Variants in ROR1 observed in about 807,000 individuals in gnomAD.
The protein encoded by ROR1 is inactive tyrosine-protein kinase transmembrane receptor ROR1.
A neutral mutation model predicts 78.8 loss-of-function variants in ROR1; 19 were observed. The ratio of observed to expected loss-of-function variants is 0.24; its 90% CI spans 0.17 to 0.35. ROR1 has a LOEUF of 0.35. Among genes scored for constraint, ROR1 ranks in the 10% least tolerant of loss-of-function variants. The pLI is 1.00. For missense variants in ROR1, 917 were observed against 1,177.8 expected (o/e 0.78, Z 3.24); for synonymous variants, 386 against 433.6 (o/e 0.89, Z 1.36).
intron 1 of ROR1, among the ~76,000 whole-genome samples, chr1:63,918,849 T>A (rs1417542436): frequency 6.6e-6 from 1 of 152,132 alleles, no homozygotes; most frequent in African/African-American, 2.4e-5. Flanking sequence ...TGAGACCTCA[T>A]CTGGGTCCCA....
intron 5 of ROR1, 140 bp downstream of exon 5, chr1:64,137,636 G>A: frequency 1.4e-6 from 1 of 718,774 alleles, no homozygotes; most frequent in Non-Finnish European, 2.2e-6. Context: ...CATGAGACAT[G>A]ATCTCTGTGC....
At chr1:64,045,119 A>G (rs1407002449) in intron 2 of ROR1, among the ~76,000 whole-genome samples, 2 of 152,206 alleles carry the variant, frequency 1.3e-5, no homozygotes, top group African/African-American at 4.8e-5. Flanking sequence ...TCACATTGCA[A>G]CCAACGTTTA....
At chr1:64,136,713 C>T (rs1649115304) in intron 4 of ROR1, among the ~76,000 whole-genome samples, 1 of 152,076 alleles carries the variant, frequency 6.6e-6, no homozygotes. Flanking sequence ...TTTAATAAGA[C>T]TATTTTTTTA....
rs534792932 is a variant in ROR1, at chr1:63,862,724, A to G, written c.91+88216A>G. Among the ~76,000 whole-genome samples the G allele has an allele frequency of 2.0e-5, 3 of 152,166 alleles. 1 individual carries two copies. The highest frequency in any genetic ancestry group is 7.2e-5 in the African/African-American group (3 of 41,524). On this transcript the variant is annotated intron_variant, in intron 1 of 8. Coordinates refer to ENST00000371079, the MANE Select transcript of ROR1 (RefSeq NM_005012.4). ...CTTGGTGTGAATTCTGCCTCTCAGT[A>G]TAGGTGGTATTTGTTAATTTAACTC...
At chr1:63,989,169 T>G (rs983930732) in intron 1 of ROR1, among the ~76,000 whole-genome samples, 45 of 140,934 alleles carry the variant, frequency 3.2e-4, no homozygotes, top group African/African-American at 1.1e-3. Flanking sequence ...TCTGTTTTTG[T>G]TTTTTTTTTT....
chr1:64,071,190 G>A lies in ROR1; in HGVS notation c.482+20474G>A, dbSNP rs570770322. 5.5e-4 allele frequency among the ~76,000 whole-genome samples: 84 copies of A among 152,260 alleles called. No individual in the cohort carries two copies. In the South Asian group the frequency reaches 5.6e-3, roughly 10 times the overall value. ...TACTTAGCTGTGCAAGCCAGTGTTT[G>A]GGCTTCATTCCAAGAGCCATGGAAG... On this transcript the variant is annotated intron_variant, in intron 4 of 8. Coordinates refer to ENST00000371079, the MANE Select transcript of ROR1 (RefSeq NM_005012.4).
chr1:64,065,306 A>C (rs957514526), intron 4 of ROR1, among the ~76,000 whole-genome samples: 1 of 152,230 alleles, frequency 6.6e-6, no homozygotes, highest in Non-Finnish European at 1.5e-5. Context: ...GACTTTGGCC[A>C]GTCTGCTATA....
At position 64,054,647 on chromosome 1, in the gene ROR1, A is replaced by G. The variant is rs141387287; in HGVS notation, c.482+3931A>G. ...GTAGAATATATTACAAAATATTACA[A>G]TTTAATCATATAAATCAGTATCATA... is the stretch of plus-strand genomic sequence containing the variant. On this transcript the variant is annotated intron_variant, in intron 4 of 8. Coordinates refer to ENST00000371079, the MANE Select transcript of ROR1 (RefSeq NM_005012.4). 3.5e-3 allele frequency among the ~76,000 whole-genome samples: 538 copies of G among 152,320 alleles called. 3 individuals carry two copies. The highest frequency in any genetic ancestry group is 0.012 in the African/African-American group (508 of 41,576).
chr1:63,914,108 T>G (rs1645591531), intron 1 of ROR1, among the ~76,000 whole-genome samples: 1 of 152,066 alleles, frequency 6.6e-6, no homozygotes, highest in African/African-American at 2.4e-5. Flanking sequence ...GTTTTAAGAT[T>G]AAAAAAAATA....
intron 6 of ROR1, among the ~76,000 whole-genome samples, chr1:64,141,823 C>A (rs1649324625): frequency 6.6e-6 from 1 of 152,092 alleles, no homozygotes; most frequent in African/African-American, 2.4e-5. Flanking sequence ...CAGTTCAGTT[C>A]GACTGTGTAG....
intron 1 of ROR1, among the ~76,000 whole-genome samples, chr1:63,966,695 G>A (rs982383411): frequency 6.6e-6 from 1 of 152,076 alleles, no homozygotes; most frequent in Non-Finnish European, 1.5e-5. Flanking sequence ...TTGTCTTTTT[G>A]TAATTACTTT....
chr1:64,111,559 T>C (rs1259061230), intron 4 of ROR1, among the ~76,000 whole-genome samples: 2 of 152,294 alleles, frequency 1.3e-5, no homozygotes, highest in African/African-American at 4.8e-5. Context: ...CAGCTACTAG[T>C]CATCTTCAAG....
intron 8 of ROR1, among the ~76,000 whole-genome samples, chr1:64,171,006 C>T (rs1229683999): frequency 1.3e-5 from 2 of 152,172 alleles, no homozygotes; most frequent in Non-Finnish European, 2.9e-5. Flanking sequence ...CAAACTTTCC[C>T]ACATTTTCCT....
intron 1 of ROR1, among the ~76,000 whole-genome samples, chr1:63,976,103 TTAAC>T (rs1429043525): frequency 6.6e-6 from 1 of 152,206 alleles, no homozygotes; most frequent in African/African-American, 2.4e-5. Flanking sequence ...CATTTTTAAG[TTAAC>T]TAACAGCATG....
chr1:63,863,199 A>AT (rs766140279), intron 1 of ROR1, among the ~76,000 whole-genome samples: 7 of 152,198 alleles, frequency 4.6e-5, no homozygotes, highest in Non-Finnish European at 7.3e-5. Context: ...AGTTAAAATA[A>AT]TACCTTAGTA....
chr1:64,141,862 C>T (rs113654501), intron 6 of ROR1, among the ~76,000 whole-genome samples: 23,606 of 151,398 alleles, frequency 0.16, 2,048 homozygotes, highest in Non-Finnish European at 0.2. Flanking sequence ...GCCCCTCTGG[C>T]CACGTGCGAG....
chr1:63,789,980 G>C (rs1033684137), intron 1 of ROR1, among the ~76,000 whole-genome samples: 15 of 152,080 alleles, frequency 9.9e-5, no homozygotes, highest in African/African-American at 3.6e-4. Context: ...TTCATGGGCT[G>C]TTCCCTCCCA....
chr1:63,801,063 C>G (rs886979256), intron 1 of ROR1, among the ~76,000 whole-genome samples: 1 of 151,158 alleles, frequency 6.6e-6, no homozygotes, highest in Non-Finnish European at 1.5e-5. Flanking sequence ...GTTATTTTAT[C>G]TGAGCCCTGG....
intron 1 of ROR1, among the ~76,000 whole-genome samples, chr1:63,784,002 T>C (rs1176204714): frequency 6.6e-6 from 1 of 152,082 alleles, no homozygotes; most frequent in Non-Finnish European, 1.5e-5. Flanking sequence ...CTGAGTTTTG[T>C]TCCTAATCAT....
Sources: gnomAD v4.1 joint callset for allele counts (sites outside exome capture counted in the v4.1 genomes callset) on GRCh38, gnomAD v4.1.1 for gene constraint, MANE v1.5 for transcripts, NCBI Gene and HGNC (gene_info 2026-07-23, HGNC 2026-07-21) for gene names.